The following PHACTR2 variants were observed in gnomAD, a reference collection of about 807,000 sequenced individuals.
PHACTR2 encodes phosphatase and actin regulator 2, also known as chromosome 6 open reading frame 56.
Under a neutral mutation model 76.0 loss-of-function variants are expected in PHACTR2, and 30 were observed. The observed-to-expected ratio is 0.39, with a 90% CI of 0.30 to 0.54. The LOEUF (loss-of-function observed/expected upper bound fraction) is 0.54. Among genes scored for constraint, PHACTR2 ranks in the 20% least tolerant of loss-of-function variants. PHACTR2 has a pLI of 0.61. For synonymous variants in PHACTR2, 292 were observed against 292.5 expected, an observed-to-expected ratio of 1.00 and a Z score of 0.02; for missense variants, 696 against 781.1, an observed-to-expected ratio of 0.89 and a Z score of 1.30.
chr6:143,537,991 T>C lies in PHACTR2; in HGVS notation c.217+784T>C, dbSNP rs542540471. Among the ~76,000 whole-genome samples, 3 of 152,304 alleles carry C rather than the reference T, an allele frequency of 2.0e-5. No homozygotes were observed. The highest frequency in any genetic ancestry group is 2.9e-5 in the Non-Finnish European group (2 of 68,014). The stretch of plus-strand genomic sequence containing the variant: ...CCGCCGAGGCGGCGCATGCCTGTAG[T>C]CCTAGCTACTCAGGAGGCTGAGGCA... On this transcript the variant is annotated intron_variant, in intron 1 of 11. Transcript: ENST00000367584. The surrounding 1 kb of genome is among the most constrained non-coding windows in gnomAD (Gnocchi z 4.4).
rs1009063745 is a variant in PHACTR2, at chr6:143,633,540, CCAT to C, written c.13+25222_13+25224del. Among the ~76,000 whole-genome samples, 1 of 152,142 alleles carries C rather than the reference CCAT, an allele frequency of 6.6e-6. No homozygotes were observed. Among genetic ancestry groups the C allele is most frequent in the African/African-American group, 2.4e-5 (1 of 41,428 alleles). On this transcript the variant is annotated intron_variant, in intron 1 of 11. Transcript: ENST00000305766. The surrounding 1 kb of genome is among the most constrained non-coding windows in gnomAD (Gnocchi z 4.1). ...CTTGAAGAGTTTATATTTTGGGTAA[CCAT>C]CATTTATCAGATATGTCTTCTGCAA... is the stretch of plus-strand genomic sequence containing the variant.
intron 1 of PHACTR2, among the ~76,000 whole-genome samples, chr6:143,660,811 A>G (rs909045943): frequency 6.6e-6 from 1 of 152,228 alleles, no homozygotes; most frequent in Admixed American, 6.5e-5. Flanking sequence ...AACAAATTAT[A>G]GGAGAAGTAC....
At chr6:143,667,712 T>C (rs1777065730) in intron 1 of PHACTR2, among the ~76,000 whole-genome samples, 2 of 152,258 alleles carry the variant, frequency 1.3e-5, no homozygotes, top group African/African-American at 4.8e-5. Flanking sequence ...TTATGATTTT[T>C]GCACATTGAT....
rs973479656 is a variant in PHACTR2 at position 143,619,534 on chromosome 6, G to C, written c.13+11212G>C. On this transcript the variant is annotated intron_variant, in intron 1 of 11. Coordinates refer to the PHACTR2 transcript ENST00000305766. This position sits in a 1 kb window ranked among gnomAD's most constrained non-coding sequence, Gnocchi z 4.5. Reference sequence around the variant, plus strand: ...ACTGAAGGGTACACAGTGTTGACCTGTACACAAAGAAGCATCTTTCTTTGA... The same window carrying C: ...ACTGAAGGGTACACAGTGTTGACCTCTACACAAAGAAGCATCTTTCTTTGA... Among the ~76,000 whole-genome samples, 1 of 152,218 alleles carries C rather than the reference G, an allele frequency of 6.6e-6. No homozygotes were observed. Among genetic ancestry groups the C allele is most frequent in the Non-Finnish European group, 1.5e-5 (1 of 68,048 alleles).
rs1582677807 is a variant in PHACTR2, at chr6:143,570,247, A to T, written c.217+33040A>T. ...TTAGAAATAATGATTTGCTTTGCTGATATTAAAAAACGAGGTTGCTGTTGG... is the reference window on the plus strand; with the variant it reads ...TTAGAAATAATGATTTGCTTTGCTGTTATTAAAAAACGAGGTTGCTGTTGG... On this transcript the variant is annotated intron_variant, in intron 1 of 11. Coordinates refer to the PHACTR2 transcript ENST00000367584. This position sits in a 1 kb window ranked among gnomAD's most constrained non-coding sequence, Gnocchi z 4.6. Among the ~76,000 whole-genome samples the T allele has an allele frequency of 6.6e-6, 1 of 152,170 alleles. No individual in the cohort carries two copies. The highest frequency in any genetic ancestry group is 6.5e-5 in the Admixed American group (1 of 15,274).
chr6:143,652,134 G>A lies in PHACTR2; in HGVS notation c.13+43812G>A, dbSNP rs954962284. ...TATACTAAAAATGATGGCGGTGATG[G>A]GGGAACCGTTTACTAGGTACAACCA... is the stretch of plus-strand genomic sequence containing the variant. On this transcript the variant is annotated intron_variant, in intron 1 of 11. Coordinates refer to the PHACTR2 transcript ENST00000305766. The surrounding 1 kb of genome is among the most constrained non-coding windows in gnomAD (Gnocchi z 4.5). 6.6e-6 allele frequency among the ~76,000 whole-genome samples: 1 copy of A among 151,464 alleles called. No individual in the cohort carries two copies. Among genetic ancestry groups the A allele is most frequent in the African/African-American group, 2.4e-5 (1 of 41,338 alleles).
chr6:143,636,819 A>T (rs143589326), intron 1 of PHACTR2, among the ~76,000 whole-genome samples: 29 of 152,362 alleles, frequency 1.9e-4, no homozygotes, highest in Middle Eastern at 6.8e-3. Context: ...ACCAAACAAG[A>T]TGAATGGCTT....
At position 143,717,867 on chromosome 6, in the gene PHACTR2, C is replaced by T. The variant is rs182989844; in HGVS notation, c.214+5684C>T. ...GATTACAGGCATGAACCATCATACC[C>T]TGCCTATGCTTTGGGACTTTATAAA... On this transcript the variant is annotated intron_variant, in intron 2 of 12. Transcript: ENST00000440869. Among the ~76,000 whole-genome samples the T allele has an allele frequency of 3.0e-3, 460 of 152,266 alleles. 7 individuals carry two copies. Among genetic ancestry groups the T allele is most frequent in the African/African-American group, 0.011 (448 of 41,540 alleles).
chr6:143,574,154 C>A (rs1194280992), intron 1 of PHACTR2, among the ~76,000 whole-genome samples: 1 of 152,168 alleles, frequency 6.6e-6, no homozygotes, highest in South Asian at 2.1e-4. Context: ...GGCTGAGTGC[C>A]CCTGGTTTGC....
At chr6:143,690,631 T>C (rs1472310020) in intron 1 of PHACTR2, among the ~76,000 whole-genome samples, 22 of 152,252 alleles carry the variant, frequency 1.4e-4, no homozygotes, top group Admixed American at 1.4e-3. Context: ...GATGAACGTT[T>C]TCCTTTTATC....
chr6:143,645,998 A>G (rs1363468173), intron 1 of PHACTR2, among the ~76,000 whole-genome samples: 1 of 152,214 alleles, frequency 6.6e-6, no homozygotes, highest in Non-Finnish European at 1.5e-5. Flanking sequence ...ACAATAGTCT[A>G]TCAGAAAAGA....
At position 143,784,215 on chromosome 6, in the gene PHACTR2, T is replaced by C. The variant is rs558954444; in HGVS notation, c.1707+935T>C. On this transcript the variant is annotated intron_variant, in intron 10 of 12. Coordinates refer to ENST00000440869, the MANE Select transcript of PHACTR2 (RefSeq NM_001100164.2). The surrounding 1 kb of genome is among the most constrained non-coding windows in gnomAD (Gnocchi z 4.5). Reference sequence around the variant, plus strand: ...GGGTAAGTAATTTATTAAGTGAACTTGATCATCCAGCCTGCCTGCTACAGT... The same window carrying C: ...GGGTAAGTAATTTATTAAGTGAACTCGATCATCCAGCCTGCCTGCTACAGT... Among the ~76,000 whole-genome samples the C allele has an allele frequency of 1.3e-5, 2 of 152,284 alleles. No homozygotes were observed. The highest frequency in any genetic ancestry group is 4.1e-4 in the South Asian group (2 of 4,826).
At chr6:143,694,538 A>G (rs1221135880) in intron 1 of PHACTR2, among the ~76,000 whole-genome samples, 1 of 152,196 alleles carries the variant, frequency 6.6e-6, no homozygotes, top group African/African-American at 2.4e-5. Context: ...GTCACTACAT[A>G]TATAGTCTTC....
intron 2 of PHACTR2, among the ~76,000 whole-genome samples, chr6:143,725,606 G>A (rs904243171): frequency 1.2e-4 from 18 of 151,816 alleles, no homozygotes; most frequent in Non-Finnish European, 2.2e-4. Context: ...CATAGGCTGG[G>A]CAGGTGGATC....
chr6:143,661,302 T>C (rs1298517101), intron 1 of PHACTR2, among the ~76,000 whole-genome samples: 2 of 152,222 alleles, frequency 1.3e-5, no homozygotes, highest in African/African-American at 4.8e-5. Flanking sequence ...AACAAATCAC[T>C]GCATGTGTTA....
intron 12 of PHACTR2, among the ~76,000 whole-genome samples, chr6:143,808,372 G>A (rs1022435551): frequency 2.2e-4 from 34 of 151,846 alleles, no homozygotes; most frequent in African/African-American, 8.0e-4. Context: ...AGAGTGATCC[G>A]CCCACCTCAG....
chr6:143,814,595 CTTTTTTTTTTTTT>C (rs61652528), intron 12 of PHACTR2, among the ~76,000 whole-genome samples: 6 of 108,418 alleles, frequency 5.5e-5, no homozygotes, highest in African/African-American at 2.2e-4. Context: ...GACATACACA[CTTTTTTTTTTTTT>C]TTTTTTTTTT....
In PHACTR2 at chr6:143,561,853, C is replaced by G. The variant is rs1380557237; in HGVS notation, c.217+24646C>G. 1.3e-5 allele frequency: 2 copies of G among 152,178 alleles called. No homozygotes were observed. The highest frequency in any genetic ancestry group is 1.3e-4 in the Admixed American group (2 of 15,276). The allele number at this position is 152,178 out of a possible 1,614,324, so 9.4% of individuals were successfully genotyped here. ...ACCCTTCACCGCCAGCTCATGAAGT[C>G]TGAGGAAATTCAGGTTGCCTTTGAT... On this transcript the variant is annotated intron_variant, in intron 1 of 11. Transcript: ENST00000367584. The surrounding 1 kb of genome is among the most constrained non-coding windows in gnomAD (Gnocchi z 4.1).
At position 143,680,286 on chromosome 6, in the gene PHACTR2, T is replaced by C. The variant is rs1303612952; in HGVS notation, c.46+2077T>C. On this transcript the variant is annotated intron_variant, in intron 1 of 12. Coordinates refer to ENST00000440869, the MANE Select transcript of PHACTR2 (RefSeq NM_001100164.2). This position sits in a 1 kb window ranked among gnomAD's most constrained non-coding sequence, Gnocchi z 4.5. Reference sequence around the variant, plus strand: ...CTTGTTAACTGTTTAACTCTGGCTTTACAGATGGCGTGAAGATCCTTGTTC... The same window carrying C: ...CTTGTTAACTGTTTAACTCTGGCTTCACAGATGGCGTGAAGATCCTTGTTC... 1.3e-5 allele frequency among the ~76,000 whole-genome samples: 2 copies of C among 152,228 alleles called. No homozygotes were observed. The highest frequency in any genetic ancestry group is 2.9e-5 in the Non-Finnish European group (2 of 68,016).
Sources: allele counts gnomAD v4.1 joint callset (sites outside exome capture counted in the v4.1 genomes callset), GRCh38; gene constraint gnomAD v4.1.1; non-coding constraint Gnocchi (gnomAD v3.1); transcripts MANE v1.5; gene names NCBI Gene and HGNC (gene_info 2026-07-23, HGNC 2026-07-21).